The following GABPB2 variants were observed in gnomAD, a reference collection of about 807,000 sequenced individuals.
GABPB2 encodes the protein GA binding protein transcription factor subunit beta 2, also known as GA-binding protein subunit beta-2.
In GABPB2, 23 loss-of-function variants were observed where a neutral mutation model predicts 39.1. The observed-to-expected ratio is 0.59, with a 90% confidence interval of 0.42 to 0.83. The LOEUF (loss-of-function observed/expected upper bound fraction) is 0.83. GABPB2 is among the 40% of genes least tolerant of loss of function. The pLI, the probability that GABPB2 is intolerant of heterozygous loss-of-function variation, is 0.00. For missense variants in GABPB2, 467 were observed against 541.1 expected, an observed-to-expected ratio of 0.86 and a Z score of 1.36; for synonymous variants, 184 against 199.3, an observed-to-expected ratio of 0.92 and a Z score of 0.65.
intron 1 of GABPB2, among the ~76,000 whole-genome samples, chr1:151,081,638 T>TA (rs1363518175): frequency 2.7e-5 from 4 of 150,796 alleles, no homozygotes; most frequent in South Asian, 4.2e-4. Flanking sequence ...TCATTATTAT[T>TA]TATTTTTTTT....
At chr1:151,113,783 GC>G (rs1558161266) in intron 7 of GABPB2, among the ~76,000 whole-genome samples, 1 of 152,162 alleles carries the variant, frequency 6.6e-6, no homozygotes, top group South Asian at 2.1e-4. Context: ...CTCCCAAAGT[GC>G]TGGGATTACA....
At position 151,122,167 on chromosome 1, in the gene GABPB2, A is replaced by T. The variant is rs1681207300; in HGVS notation, c.*3911A>T. The T allele has an allele frequency of 6.6e-6, 1 of 152,162 alleles. No homozygotes were observed. Among genetic ancestry groups the T allele is most frequent in the Non-Finnish European group, 1.5e-5 (1 of 68,030 alleles). The allele number at this position is 152,162 out of a possible 1,614,324, so 9.4% of individuals were successfully genotyped here. On this transcript the variant is annotated 3_prime_UTR_variant, in exon 9 of 9. Transcript: ENST00000368918. ...TTGGTTATTAGAGATTTATAGGCAA[A>T]AATATCAGTTTGGAAATTAACCTTG...
chr1:151,103,022 T>C (rs1445765463), intron 5 of GABPB2, among the ~76,000 whole-genome samples: 1 of 149,920 alleles, frequency 6.7e-6, no homozygotes, highest in Non-Finnish European at 1.5e-5. Context: ...GAGGGGAATG[T>C]AGTGGCCCTG....
At chr1:151,112,944 T>A (rs1680575106) in intron 7 of GABPB2, among the ~76,000 whole-genome samples, 1 of 150,736 alleles carries the variant, frequency 6.6e-6, no homozygotes, top group African/African-American at 2.4e-5. Context: ...CTAATTTTTT[T>A]TTTTTTTGTA....
At chr1:151,091,313 C>T (rs1678675723) in intron 3 of GABPB2, among the ~76,000 whole-genome samples, 1 of 151,420 alleles carries the variant, frequency 6.6e-6, no homozygotes, top group Non-Finnish European at 1.5e-5. Flanking sequence ...GTCTCAAACT[C>T]CTGACCTCAG....
intron 5 of GABPB2, 88 bp downstream of exon 5, chr1:151,098,090 A>G (rs753128987): frequency 3.0e-5 from 31 of 1,035,638 alleles, no homozygotes; most frequent in Non-Finnish European, 4.2e-5. Context: ...TACCCTTTCT[A>G]ATACTCCTTA....
intron 1 of GABPB2, among the ~76,000 whole-genome samples, chr1:151,081,653 TA>T: frequency 6.6e-6 from 1 of 151,990 alleles, no homozygotes; most frequent in African/African-American, 2.4e-5. Flanking sequence ...TTTTTTTTTT[TA>T]GATGGTGTCT....
intron 1 of GABPB2, among the ~76,000 whole-genome samples, chr1:151,075,238 G>A (rs896732196): frequency 2.0e-5 from 3 of 151,836 alleles, no homozygotes; most frequent in Admixed American, 2.0e-4. Flanking sequence ...AGACCATCCT[G>A]GCTAACACGG....
chr1:151,081,963 A>C (rs1235525115), intron 1 of GABPB2, among the ~76,000 whole-genome samples: 2 of 151,678 alleles, frequency 1.3e-5, no homozygotes, highest in Non-Finnish European at 2.9e-5. Context: ...TATCTACTTC[A>C]TTCTGTTACA....
chr1:151,113,189 C>T (rs1680598850), intron 7 of GABPB2, among the ~76,000 whole-genome samples: 1 of 151,692 alleles, frequency 6.6e-6, no homozygotes, highest in South Asian at 2.1e-4. Flanking sequence ...CTGTGATTGG[C>T]CGGGTGCGGT....
chr1:151,082,464 C>T (rs1273377610), intron 1 of GABPB2, among the ~76,000 whole-genome samples: 3 of 126,664 alleles, frequency 2.4e-5, no homozygotes, highest in Non-Finnish European at 4.7e-5. Context: ...TGTGGTAGCT[C>T]GATCTCGGCT....
At chr1:151,078,532 G>C (rs1375627209) in intron 1 of GABPB2, among the ~76,000 whole-genome samples, 1 of 151,832 alleles carries the variant, frequency 6.6e-6, no homozygotes, top group Non-Finnish European at 1.5e-5. Context: ...GACGGAGCTT[G>C]CAGTGAGCCG....
At chr1:151,078,593 A>C (rs2102997347) in intron 1 of GABPB2, among the ~76,000 whole-genome samples, 1 of 149,610 alleles carries the variant, frequency 6.7e-6, no homozygotes, top group South Asian at 2.1e-4. Context: ...ACTCCGTCTC[A>C]AAAAAAAAAT....
At chr1:151,087,012 G>A (rs1017397229) in intron 1 of GABPB2, among the ~76,000 whole-genome samples, 4 of 152,102 alleles carry the variant, frequency 2.6e-5, no homozygotes, top group South Asian at 2.1e-4. Context: ...GTGCCACCAC[G>A]CCCGGCTAAT....
In GABPB2 at chr1:151,097,954, G is replaced by A. The variant is rs2101519493; in HGVS notation, c.574G>A (p.Val192Ile). 3.1e-6 allele frequency: 5 copies of A among 1,613,904 alleles called. No individual in the cohort carries two copies. The highest frequency in any genetic ancestry group is 4.2e-6 in the Non-Finnish European group (5 of 1,179,846). The change falls in exon 5 of 9, where the codon GTT (valine) becomes ATT (isoleucine). Residue 192 changes from valine to isoleucine, a missense_variant. Val to Ile is a conservative substitution (Grantham distance 29, BLOSUM62 3). Transcript: ENST00000368918. ...ATTCATCTTCACGTCGGGTGAGGTT[G>A]TTAACCTCGCAAGCCTTATTTCTTC... The part of the protein sequence containing the change: ...APFIFTSGEV[V>I]NLASLISSTN...
At chr1:151,092,766 GT>G (rs1240905992) in intron 3 of GABPB2, among the ~76,000 whole-genome samples, 1 of 151,944 alleles carries the variant, frequency 6.6e-6, no homozygotes, top group Admixed American at 6.6e-5. Context: ...GTAGAGGCAT[GT>G]TTTTTCACCA....
rs1234349027 is a variant in GABPB2, at chr1:151,088,259, A to T, written c.70A>T (p.Thr24Ser). The T allele has an allele frequency of 5.0e-6, 8 of 1,613,030 alleles. No individual in the cohort carries two copies. Among genetic ancestry groups the T allele is most frequent in the Non-Finnish European group, 5.9e-6 (7 of 1,179,242 alleles). Residue 24 changes from threonine (T) to serine (S), a missense_variant, in exon 2 of 9, where the codon ACG becomes TCG. Transcript: ENST00000368918. ...ARKGQDDEVRTLMANGAPFTT... is the reference protein window; with the variant it reads ...ARKGQDDEVRSLMANGAPFTT... ...AAAAGGCCAAGATGATGAAGTGAGAACGTTGATGGCAAATGGCGCCCCATT... is the reference window on the plus strand; with the variant it reads ...AAAAGGCCAAGATGATGAAGTGAGATCGTTGATGGCAAATGGCGCCCCATT...
At chr1:151,113,484 A>G (rs1442415851) in intron 7 of GABPB2, among the ~76,000 whole-genome samples, 1 of 152,000 alleles carries the variant, frequency 6.6e-6, no homozygotes, top group Non-Finnish European at 1.5e-5. Context: ...AAAAAAAAAA[A>G]AAAAATGCTG....
chr1:151,091,946 C>A (rs962363607), intron 3 of GABPB2, among the ~76,000 whole-genome samples: 3 of 151,604 alleles, frequency 2.0e-5, no homozygotes, highest in East Asian at 3.9e-4. Context: ...CCATGCCCAG[C>A]TAATTTATTT....
Sources: gnomAD v4.1 joint callset for allele counts (sites outside exome capture counted in the v4.1 genomes callset) on GRCh38, gnomAD v4.1.1 for gene constraint, MANE v1.5 for transcripts, NCBI Gene and HGNC (gene_info 2026-07-23, HGNC 2026-07-21) for gene names.